The following KIF5C variants were observed in gnomAD, a reference collection of about 807,000 sequenced individuals.
KIF5C encodes the protein kinesin heavy chain isoform 5C.
Under a neutral mutation model 125.2 loss-of-function variants are expected in KIF5C, and 18 were observed. The ratio of observed to expected loss-of-function variants is 0.14; its 90% CI spans 0.10 to 0.21. The LOEUF (loss-of-function observed/expected upper bound fraction) is 0.21. KIF5C is among the 10% of genes least tolerant of loss of function. The pLI is 1.00. For missense variants in KIF5C, 780 were observed against 1,183.8 expected (o/e 0.66, Z 5.01); for synonymous variants, 405 against 434.0 (o/e 0.93, Z 0.83).
rs753877905 is a variant in KIF5C at position 148,962,127 on chromosome 2, A to G, written c.1117+8A>G. On this transcript the variant is annotated splice_region_variant and intron_variant, in intron 11 of 25. Transcript: ENST00000435030. ...TAAACAGGTGGAGGAATGGTAAGGA[A>G]AAGTAAGGAGGAAGAGTGAGGCATG... 14 of 1,597,164 alleles carry G rather than the reference A, an allele frequency of 8.8e-6. No individual in the cohort carries two copies. The highest frequency in any genetic ancestry group is 1.7e-4 in the Middle Eastern group (1 of 6,006).
At chr2:148,929,816 AT>A (rs372504821) in intron 3 of KIF5C, among the ~76,000 whole-genome samples, 290 of 147,662 alleles carry the variant, frequency 2.0e-3, no homozygotes, top group African/African-American at 3.8e-3. Flanking sequence ...ACTGCACGGT[AT>A]TTTTTTTTTT....
chr2:148,928,925 T>C (rs1255367063), intron 2 of KIF5C, among the ~76,000 whole-genome samples: 2 of 152,184 alleles, frequency 1.3e-5, no homozygotes, highest in East Asian at 3.9e-4. Flanking sequence ...GGCATAAGAA[T>C]AATGTTTTCT....
intron 18 of KIF5C, 99 bp from the exon 19 acceptor site, chr2:148,998,301 G>C (rs1004544964): frequency 6.6e-7 from 1 of 1,509,550 alleles, no homozygotes; most frequent in African/African-American, 1.4e-5. Context: ...TGACATCTGA[G>C]GGACACAGGG....
intron 11 of KIF5C, among the ~76,000 whole-genome samples, chr2:148,966,436 A>G (rs1558922229): frequency 6.6e-6 from 1 of 152,052 alleles, no homozygotes; most frequent in Non-Finnish European, 1.5e-5. Flanking sequence ...AGGAGTAGGA[A>G]ATCAACTACA....
chr2:148,901,786 C>A (rs995818755), intron 1 of KIF5C, among the ~76,000 whole-genome samples: 2 of 152,240 alleles, frequency 1.3e-5, no homozygotes, highest in Non-Finnish European at 1.5e-5. Context: ...TAGCTCCTTG[C>A]TCCTGGAAAC....
chr2:148,943,381 G>A (rs1289593924), intron 7 of KIF5C, among the ~76,000 whole-genome samples: 1 of 152,072 alleles, frequency 6.6e-6, no homozygotes, highest in African/African-American at 2.4e-5. Context: ...GGGCAGCAGA[G>A]GATCCGTGAA....
intron 16 of KIF5C, 75 bp downstream of exon 16, chr2:148,991,273 G>T: frequency 6.6e-7 from 1 of 1,523,066 alleles, no homozygotes; most frequent in East Asian, 2.4e-5. Flanking sequence ...TGCTGGTGCT[G>T]ATGGTGCACC....
At chr2:149,021,452 C>T (rs1455369425) in intron 25 of KIF5C, among the ~76,000 whole-genome samples, 1 of 150,966 alleles carries the variant, frequency 6.6e-6, no homozygotes, top group Non-Finnish European at 1.5e-5. Context: ...CTCCCTTTTT[C>T]ACCCACTTTG....
In KIF5C at chr2:148,942,693, G is replaced by A. The variant is rs767495708; in HGVS notation, c.522G>A (p.Val174=). ...TCCAGGGGTGCACTGAGCGGTTTGT[G>A]TCGAGCCCTGAGGAAGTCATGGATG... ...PYVKGCTERF[V]SSPEEVMDVI... is the part of the protein sequence containing the mutation. Residue 174 remains valine (V), a synonymous_variant, in exon 7 of 26, where the codon GTG becomes GTA. Coordinates refer to ENST00000435030, the MANE Select transcript of KIF5C (RefSeq NM_004522.3). 1.1e-5 allele frequency: 18 copies of A among 1,611,124 alleles called. No homozygotes were observed. Among genetic ancestry groups the A allele is most frequent in the Admixed American group, 1.0e-4 (6 of 59,690 alleles).
At chr2:148,956,732 G>A (rs1307719791) in intron 10 of KIF5C, among the ~76,000 whole-genome samples, 1 of 152,194 alleles carries the variant, frequency 6.6e-6, no homozygotes, top group Non-Finnish European at 1.5e-5. Context: ...TCCCAGAGTA[G>A]CCTTTGGTTA....
At chr2:148,878,705 T>C (rs746994480) in intron 1 of KIF5C, 2 of 152,368 alleles carry the variant, frequency 1.3e-5, no homozygotes, top group Admixed American at 6.5e-5. Flanking sequence ...GTCAATTCAG[T>C]TGGAGCCGGC....
At chr2:148,989,720 C>T (rs1681476018) in intron 15 of KIF5C, among the ~76,000 whole-genome samples, 1 of 152,056 alleles carries the variant, frequency 6.6e-6, no homozygotes, top group African/African-American at 2.4e-5. Context: ...TTTTGATTTG[C>T]ATTTCACTGA....
chr2:148,964,894 C>A (rs569476601), intron 11 of KIF5C, among the ~76,000 whole-genome samples: 1 of 151,850 alleles, frequency 6.6e-6, no homozygotes, highest in African/African-American at 2.4e-5. Flanking sequence ...GACTGCAGGT[C>A]GGAGAGGAGG....
chr2:148,999,243 C>T (rs544858769), intron 19 of KIF5C, among the ~76,000 whole-genome samples: 1 of 150,464 alleles, frequency 6.6e-6, no homozygotes, highest in South Asian at 2.1e-4. Context: ...TGCTGACCTC[C>T]CCACCCCCAC....
intron 1 of KIF5C, among the ~76,000 whole-genome samples, chr2:148,884,570 A>C (rs1389990371): frequency 6.6e-6 from 1 of 152,236 alleles, no homozygotes; most frequent in Admixed American, 6.5e-5. Context: ...ATACTCTCCT[A>C]ACCTTTCTCT....
At position 148,893,080 on chromosome 2, in the gene KIF5C, G is replaced by A. The variant is rs916065941; in HGVS notation, c.126+17337G>A. 3.9e-5 allele frequency among the ~76,000 whole-genome samples: 6 copies of A among 152,176 alleles called. No homozygotes were observed. The South Asian group carries it at 6.2e-4, about 16-fold the overall frequency. ...AATCTTAGAACAAGGTTTGCTTTAC[G>A]TTTTTAGTAGATATTTATTGTCAAG... On this transcript the variant is annotated intron_variant, in intron 1 of 25. Transcript: ENST00000435030.
intron 23 of KIF5C, among the ~76,000 whole-genome samples, 175 bp from the exon 24 acceptor site, chr2:149,009,960 C>A (rs1212090450): frequency 1.3e-5 from 2 of 152,160 alleles, no homozygotes; most frequent in African/African-American, 2.4e-5. Flanking sequence ...ATCACGTGTT[C>A]AGGAACCTGG....
intron 1 of KIF5C, chr2:148,885,553 C>T (rs894589336): frequency 2.6e-5 from 4 of 152,212 alleles, no homozygotes; most frequent in African/African-American, 9.6e-5. Context: ...CCAGTGCATA[C>T]CCATCCTTGA....
intron 1 of KIF5C, among the ~76,000 whole-genome samples, chr2:148,899,493 G>GCCT (rs1680804824): frequency 1.3e-5 from 2 of 152,026 alleles, no homozygotes; most frequent in Non-Finnish European, 2.9e-5. Flanking sequence ...CCTAAGGTCA[G>GCCT]GATTTCGAGA....
Sources: gnomAD v4.1 joint callset for allele counts (sites outside exome capture counted in the v4.1 genomes callset) on GRCh38, gnomAD v4.1.1 for gene constraint, MANE v1.5 for transcripts, NCBI Gene and HGNC (gene_info 2026-07-23, HGNC 2026-07-21) for gene names.